The following ATRNL1 variants were observed in gnomAD, a reference collection of about 807,000 sequenced individuals.
The protein encoded by ATRNL1 is attractin-like protein 1.
In ATRNL1, 95 loss-of-function variants were observed where a neutral mutation model predicts 182.7. The observed-to-expected ratio is 0.52, with a 90% confidence interval of 0.44 to 0.62. The LOEUF (loss-of-function observed/expected upper bound fraction) is 0.62, where lower values mean the gene tolerates loss of function less well. Ranked by LOEUF, ATRNL1 falls within the 20% of genes least tolerant of loss-of-function variation. The pLI, the probability that ATRNL1 is intolerant of heterozygous loss-of-function variation, is 0.00. For missense variants in ATRNL1, 1,471 were observed against 1,679.5 expected (o/e 0.88, Z 2.17); for synonymous variants, 576 against 568.3 (o/e 1.01, Z -0.19).
intron 3 of ATRNL1, among the ~76,000 whole-genome samples, chr10:115,125,736 T>C (rs1312316682): frequency 6.6e-6 from 1 of 152,222 alleles, no homozygotes; most frequent in Non-Finnish European, 1.5e-5. Flanking sequence ...CTTCCAACCA[T>C]TGGAGTCCCA....
chr10:115,613,675 G>A (rs1555019797), intron 26 of ATRNL1, among the ~76,000 whole-genome samples: 1 of 152,078 alleles, frequency 6.6e-6, no homozygotes, highest in Non-Finnish European at 1.5e-5. Context: ...GTTATTAGAA[G>A]ACTATTACTG....
rs540953818 is a variant in ATRNL1 at position 115,370,830 on chromosome 10, G to C, written c.3176-23829G>C. ...CTGAATGCTAATCACCAAGACAGTG[G>C]GGGGAAATGTCTCCAGGGCATGTCA... On this transcript the variant is annotated intron_variant, in intron 19 of 28. Coordinates refer to ENST00000355044, the MANE Select transcript of ATRNL1 (RefSeq NM_207303.4). 9.2e-5 allele frequency among the ~76,000 whole-genome samples: 14 copies of C among 152,274 alleles called. No individual in the cohort carries two copies. The South Asian group carries it at 2.1e-3, about 23-fold the overall frequency.
intron 27 of ATRNL1, among the ~76,000 whole-genome samples, chr10:115,822,230 A>G (rs977185673): frequency 1.3e-5 from 2 of 152,168 alleles, no homozygotes; most frequent in Admixed American, 6.5e-5. Flanking sequence ...TTTGAAACCA[A>G]TGAGAACAAG....
chr10:115,611,361 G>A (rs1348631964), intron 26 of ATRNL1, among the ~76,000 whole-genome samples: 1 of 151,878 alleles, frequency 6.6e-6, no homozygotes, highest in Non-Finnish European at 1.5e-5. Context: ...TTCTACTTCA[G>A]ATATTATTGG....
At chr10:115,124,905 AG>A in intron 3 of ATRNL1, among the ~76,000 whole-genome samples, 1 of 152,212 alleles carries the variant, frequency 6.6e-6, no homozygotes, top group Non-Finnish European at 1.5e-5. Context: ...CACACAGCCT[AG>A]TTAGTGTTAC....
intron 27 of ATRNL1, among the ~76,000 whole-genome samples, chr10:115,729,288 A>G (rs1475597128): frequency 6.6e-6 from 1 of 152,162 alleles, no homozygotes; most frequent in Non-Finnish European, 1.5e-5. Context: ...TTGTAGAGTT[A>G]AAAAATGTCT....
At chr10:115,360,345 T>C (rs935027031) in intron 19 of ATRNL1, among the ~76,000 whole-genome samples, 1 of 151,728 alleles carries the variant, frequency 6.6e-6, no homozygotes, top group African/African-American at 2.4e-5. Context: ...TTGACATAAG[T>C]CCATGTGAAA....
At chr10:115,821,692 A>G (rs750355798) in intron 27 of ATRNL1, among the ~76,000 whole-genome samples, 2 of 152,204 alleles carry the variant, frequency 1.3e-5, no homozygotes, top group Non-Finnish European at 2.9e-5. Flanking sequence ...AAAGAAGGGC[A>G]TTATATGATG....
rs377563483 is a variant in ATRNL1 at position 115,265,097 on chromosome 10, T to C, written c.1688-96T>C. The C allele has an allele frequency of 1.6e-3, 1,131 of 709,140 alleles. 24 individuals are homozygous for C. In the South Asian group the frequency reaches 0.023, roughly 14 times the overall value. The allele number at this position is 709,140 out of a possible 1,614,324, so 43.9% of individuals were successfully genotyped here. A position where few individuals can be genotyped will look rare whatever the true frequency, so the allele number is the denominator to read the frequency against. ...TTTTTTTTTGCTTCCTGCTTATGCA[T>C]AGTGTATCTTTAATTCGGCCAATGA... On this transcript the variant is annotated intron_variant, in intron 10 of 28. Transcript: ENST00000355044.
chr10:115,343,646 A>G (rs1315320219), intron 19 of ATRNL1, among the ~76,000 whole-genome samples: 1 of 151,830 alleles, frequency 6.6e-6, no homozygotes, highest in African/African-American at 2.4e-5. Flanking sequence ...TATCTATTTC[A>G]TTTGATGAGG....
rs569161186 is a variant in ATRNL1, at chr10:115,384,331, AT to A, written c.3176-10320del. ...AATCACTACCACAATCAAGATAAAC[AT>A]TTTTTTTCACCCCAAAAGTTTCCAC... On this transcript the variant is annotated intron_variant, in intron 19 of 28. Coordinates refer to ENST00000355044, the MANE Select transcript of ATRNL1 (RefSeq NM_207303.4). Among the ~76,000 whole-genome samples, 1,332 of 151,688 alleles carry A rather than the reference AT, an allele frequency of 8.8e-3. 19 individuals are homozygous for A. The highest frequency in any genetic ancestry group is 0.031 in the African/African-American group (1,268 of 41,436).
intron 15 of ATRNL1, 62 bp downstream of exon 15, chr10:115,286,459 A>T (rs942595587): frequency 5.4e-5 from 63 of 1,169,926 alleles, no homozygotes; most frequent in Middle Eastern, 6.3e-4. Flanking sequence ...ATTATTTGAA[A>T]TTTTTTTTTG....
chr10:115,795,662 A>C (rs1949636242), intron 27 of ATRNL1, among the ~76,000 whole-genome samples: 1 of 152,150 alleles, frequency 6.6e-6, no homozygotes, highest in Non-Finnish European at 1.5e-5. Context: ...GCATCATTAC[A>C]TGGCTGGCAG....
chr10:115,679,202 C>G (rs1555043902), intron 26 of ATRNL1, among the ~76,000 whole-genome samples: 1 of 152,104 alleles, frequency 6.6e-6, no homozygotes, highest in African/African-American at 2.4e-5. Flanking sequence ...ATATGCCTTA[C>G]TTGGGGGCTT....
At chr10:115,558,459 G>A (rs141497627) in intron 26 of ATRNL1, among the ~76,000 whole-genome samples, 202 of 152,292 alleles carry the variant, frequency 1.3e-3, no homozygotes, top group African/African-American at 4.4e-3. Context: ...GTCCCTGCTC[G>A]GCCTGTGGCC....
At chr10:115,521,931 C>G (rs1850956683) in intron 25 of ATRNL1, among the ~76,000 whole-genome samples, 1 of 152,198 alleles carries the variant, frequency 6.6e-6, no homozygotes, top group Admixed American at 6.5e-5. Flanking sequence ...ACCCCTCAAT[C>G]AGGCCATTTT....
chr10:115,374,453 T>TTCCTTCC (rs1421460494), intron 19 of ATRNL1, among the ~76,000 whole-genome samples: 3 of 135,798 alleles, frequency 2.2e-5, no homozygotes, highest in African/African-American at 5.8e-5. Context: ...CCTTCCTTCC[T>TTCCTTCC]TTCCTTCCTT....
chr10:115,661,793 T>TA (rs1488796597), intron 26 of ATRNL1, among the ~76,000 whole-genome samples: 1 of 152,166 alleles, frequency 6.6e-6, no homozygotes, highest in Admixed American at 6.5e-5. Context: ...TATTATACTT[T>TA]AAGTTTTAGA....
chr10:115,612,595 C>T (rs1029815816), intron 26 of ATRNL1, among the ~76,000 whole-genome samples: 3 of 152,152 alleles, frequency 2.0e-5, no homozygotes, highest in Admixed American at 1.3e-4. Context: ...GAGTTGATGC[C>T]AGGTCCTTGT....
Sources: gnomAD v4.1 joint callset for allele counts (sites outside exome capture counted in the v4.1 genomes callset) on GRCh38, gnomAD v4.1.1 for gene constraint, MANE v1.5 for transcripts, NCBI Gene and HGNC (gene_info 2026-07-23, HGNC 2026-07-21) for gene names.